Variants in AGAP6 observed in about 807,000 individuals in gnomAD.
AGAP6 encodes arf-GAP with GTPase, ANK repeat and PH domain-containing protein 6.
In AGAP6, 29 loss-of-function variants were observed where a neutral mutation model predicts 63.9. The observed-to-expected ratio is 0.45, with a 90% CI of 0.34 to 0.62. AGAP6 has a LOEUF of 0.62. AGAP6 is among the 20% of genes least tolerant of loss of function. The probability of loss-of-function intolerance (pLI) is 0.01; values close to 1 mark genes in which losing one functional copy is unlikely to be tolerated. For synonymous variants in AGAP6, 199 were observed against 332.9 expected, an observed-to-expected ratio of 0.60 and a Z score of 4.38; for missense variants, 493 against 884.9, an observed-to-expected ratio of 0.56 and a Z score of 5.62.
chr10:49,993,009 G>A (rs1289183449), intron 3 of AGAP6, among the ~76,000 whole-genome samples: 2 of 152,098 alleles, frequency 1.3e-5, no homozygotes, highest in Admixed American at 6.6e-5. Flanking sequence ...TGATCTACCC[G>A]CTTCAGCCTC....
chr10:49,990,847 T>A (rs1554860728), intron 2 of AGAP6, among the ~76,000 whole-genome samples: 1 of 152,148 alleles, frequency 6.6e-6, no homozygotes, highest in Non-Finnish European at 1.5e-5. Context: ...TTTCAAGATA[T>A]TTAAGGATTG....
rs1284283790 is a variant in AGAP6, at chr10:50,009,179, T to C, written c.1054T>C (p.Cys352Arg). The change falls in exon 8 of 8, where the codon TGC (cysteine) becomes CGC (arginine). Residue 352 changes from cysteine (C) to arginine (R), a missense_variant. By Grantham distance (180) the Cys-to-Arg change is radical. This residue lies in a region of AGAP6 where 342 missense variants were observed against 533.4 expected (regional missense o/e 0.64). Coordinates refer to ENST00000412531, the MANE Select transcript of AGAP6 (RefSeq NM_001077665.3). ...GTGGCCATCCCTAGCCACATCGGCC[T>C]GCACACCCATCTCCAGCTCTAAAAG... ...GKWPSLATSA[C>R]TPISSSKSNG... 6.2e-7 allele frequency: 1 copy of C among 1,614,236 alleles called. No individual in the cohort carries two copies. The highest frequency in any genetic ancestry group is 1.7e-5 in the Admixed American group (1 of 60,026).
chr10:50,003,780 A>G (rs1349871526), intron 5 of AGAP6, among the ~76,000 whole-genome samples: 1 of 152,200 alleles, frequency 6.6e-6, no homozygotes, highest in Non-Finnish European at 1.5e-5. Context: ...AGTCAGTTTT[A>G]AGGTCTGTTT....
At chr10:50,006,835 A>C (rs1224805125) in intron 6 of AGAP6, among the ~76,000 whole-genome samples, 1 of 152,172 alleles carries the variant, frequency 6.6e-6, no homozygotes, top group Admixed American at 6.5e-5. Flanking sequence ...ATTTAACAAC[A>C]TTAATTTTTA....
intron 2 of AGAP6, among the ~76,000 whole-genome samples, chr10:49,991,279 T>G (rs1292517095): frequency 6.6e-6 from 1 of 152,110 alleles, no homozygotes; most frequent in East Asian, 1.9e-4. Flanking sequence ...ATACATCTTA[T>G]ATTTTGCCTA....
At chr10:49,994,916 C>T (rs1204223951) in intron 4 of AGAP6, among the ~76,000 whole-genome samples, 4 of 147,122 alleles carry the variant, frequency 2.7e-5, no homozygotes, top group African/African-American at 1.0e-4. Flanking sequence ...GAGCCAAGAT[C>T]GCGCCATTGC....
chr10:50,002,048 T>C lies in AGAP6; in HGVS notation c.449T>C (p.Leu150Pro). Residue 150 changes from leucine (L) to proline (P), a missense_variant, in exon 5 of 8, where the codon CTT (leucine) becomes CCT (proline). By Grantham distance (98) the Leu-to-Pro change is moderately conservative (BLOSUM62 -3). Around this residue, in one of 7 missense-constraint regions of AGAP6, gnomAD observed 342 missense variants for 533.4 expected, o/e 0.64. Transcript: ENST00000412531. ...TACAGCTTGTGTTCGACAATATTCC[T>C]TGATGACAGCACAGCCATCCAGCAT... The part of the protein sequence containing the change: ...QQYSLCSTIF[L>P]DDSTAIQHYL... 2 of 1,612,386 alleles carry C rather than the reference T, an allele frequency of 1.2e-6. No individual in the cohort carries two copies. Among genetic ancestry groups the C allele is most frequent in the Admixed American group, 1.7e-5 (1 of 59,988 alleles).
intron 3 of AGAP6, among the ~76,000 whole-genome samples, chr10:49,992,362 A>G (rs1188759000): frequency 2.6e-5 from 4 of 152,300 alleles, no homozygotes; most frequent in East Asian, 3.9e-4. Context: ...ATTTGCCAAC[A>G]AGCCATACAC....
Position 50,009,151 on chromosome 10 carries a change from A to C in AGAP6, c.1026A>C (p.Gly342=), listed in dbSNP as rs1490235679. 3.1e-6 allele frequency: 5 copies of C among 1,614,210 alleles called. No individual in the cohort carries two copies. In the Admixed American group the frequency reaches 8.3e-5, roughly 27 times the overall value. Residue 342 remains glycine, a synonymous_variant, in exon 8 of 8, where the codon GGA becomes GGC. Coordinates refer to ENST00000412531, the MANE Select transcript of AGAP6 (RefSeq NM_001077665.3). The stretch of plus-strand genomic sequence containing the variant: ...AGACATCTACCATCAAAGTCCCAGG[A>C]AAGTGGCCATCCCTAGCCACATCGG... ...DLQTSTIKVP[G]KWPSLATSAC...
intron 7 of AGAP6, among the ~76,000 whole-genome samples, chr10:50,008,298 CT>C (rs1181143677): frequency 0.14 from 16,360 of 118,118 alleles, 1,760 homozygotes; most frequent in African/African-American, 0.35. Context: ...GAAGATGTAT[CT>C]TTTTTTTTTT....
chr10:49,996,751 TTTTTTC>T (rs1442907143), intron 4 of AGAP6, among the ~76,000 whole-genome samples: 8 of 151,468 alleles, frequency 5.3e-5, no homozygotes, highest in African/African-American at 1.9e-4. Flanking sequence ...TTTTTTTTTT[TTTTTTC>T]ACATTTTACC....
At position 50,009,097 on chromosome 10, in the gene AGAP6, G is replaced by A. The variant is rs1429045575; in HGVS notation, c.972G>A (p.Lys324=). The A allele has an allele frequency of 2.5e-6, 4 of 1,613,436 alleles. No homozygotes were observed. The highest frequency in any genetic ancestry group is 3.4e-6 in the Non-Finnish European group (4 of 1,179,940). ...TYYSSLGDYM[K]NIHKKEIDLQ... is the part of the protein sequence containing the mutation. The stretch of plus-strand genomic sequence containing the variant: ...ATTCAAGCTTAGGTGATTATATGAA[G>A]AATATTCATAAAAAAGAGATTGACC... The change falls in exon 8 of 8, where the codon AAG becomes AAA. Residue 324 remains lysine, a synonymous_variant. Transcript: ENST00000412531.
chr10:49,991,361 C>G (rs1554860830), intron 2 of AGAP6, among the ~76,000 whole-genome samples: 1 of 147,664 alleles, frequency 6.8e-6, no homozygotes, highest in African/African-American at 2.5e-5. Context: ...TTAGACAACT[C>G]AAAGCCAAAA....
chr10:50,010,309 T>G lies in AGAP6; in HGVS notation c.*123T>G. 6.3e-7 allele frequency: 1 copy of G among 1,581,898 alleles called. No homozygotes were observed. Among genetic ancestry groups the G allele is most frequent in the Non-Finnish European group, 8.6e-7 (1 of 1,161,840 alleles). ...ATATTAGCATTTTCAGTACTTTTCG[T>G]AAACTAAGTAAATACACAAAATGTT... On this transcript the variant is annotated 3_prime_UTR_variant, in exon 8 of 8. Transcript: ENST00000412531.
chr10:49,994,701 G>A (rs376908466), intron 4 of AGAP6, among the ~76,000 whole-genome samples: 39 of 152,250 alleles, frequency 2.6e-4, no homozygotes, highest in East Asian at 1.2e-3. Context: ...GGTGGCTAAC[G>A]TCTGTAATCA....
At chr10:49,991,415 G>A (rs577840427) in intron 2 of AGAP6, among the ~76,000 whole-genome samples, 1 of 142,700 alleles carries the variant, frequency 7.0e-6, no homozygotes, top group East Asian at 2.1e-4. Flanking sequence ...TAATAAAGGA[G>A]GGTGTCATTG....
At position 50,008,881 on chromosome 10, in the gene AGAP6, C is replaced by A. The variant is rs1473786507; in HGVS notation, c.756C>A (p.Asn252Lys). 81 of 1,613,372 alleles carry A rather than the reference C, an allele frequency of 5.0e-5. No homozygotes were observed. The highest frequency in any genetic ancestry group is 4.9e-4 in the Middle Eastern group (3 of 6,084). ...PVCKRSMRWS[N>K]LFTSEKGSDP... ...GCAAGCGGTCCATGCGCTGGTCCAA[C>A]CTGTTTACATCTGAGAAAGGGAGTG... Residue 252 changes from asparagine (N) to lysine (K), a missense_variant, in exon 8 of 8, where the codon AAC (asparagine) becomes AAA (lysine). Physicochemically the swap from Asn to Lys is moderately conservative, Grantham distance 94 (BLOSUM62 0). Coordinates refer to ENST00000412531, the MANE Select transcript of AGAP6 (RefSeq NM_001077665.3).
At position 49,998,919 on chromosome 10, in the gene AGAP6, C is replaced by T. The variant is rs1468417766; in HGVS notation, c.397-3077C>T. Among the ~76,000 whole-genome samples the T allele has an allele frequency of 1.4e-5, 2 of 140,242 alleles. 1 individual carries two copies. Among genetic ancestry groups the T allele is most frequent in the Non-Finnish European group, 3.0e-5 (2 of 66,164 alleles). 92.0% of individuals were successfully genotyped at this position (140,242 alleles called of 152,430 possible). A position where few individuals can be genotyped will look rare whatever the true frequency, so the allele number is the denominator to read the frequency against. On this transcript the variant is annotated intron_variant, in intron 4 of 7. Transcript: ENST00000412531. ...CGTTTTGTAGTTCCCAACGGCATATCAAAAAATAATCCGGCCAGGCACGGT... is the reference window on the plus strand; with the variant it reads ...CGTTTTGTAGTTCCCAACGGCATATTAAAAAATAATCCGGCCAGGCACGGT...
rs1415459249 is a variant in AGAP6 at position 50,010,282 on chromosome 10, T to C, written c.*96T>C. 52 of 1,603,902 alleles carry C rather than the reference T, an allele frequency of 3.2e-5. No individual in the cohort carries two copies. The Middle Eastern group carries it at 1.1e-3, about 35-fold the overall frequency. The stretch of plus-strand genomic sequence containing the variant: ...TTCAAAAGGAAATCACAAATTCAGC[T>C]AATATTAGCATTTTCAGTACTTTTC... On this transcript the variant is annotated 3_prime_UTR_variant, in exon 8 of 8. Transcript: ENST00000412531.
Sources: allele counts gnomAD v4.1 joint callset (sites outside exome capture counted in the v4.1 genomes callset), GRCh38; gene constraint gnomAD v4.1.1; regional missense constraint gnomAD v4.1.1; transcripts MANE v1.5; gene names NCBI Gene and HGNC (gene_info 2026-07-23, HGNC 2026-07-21).